The following ANKRD30A variants were observed in gnomAD, a reference collection of about 807,000 sequenced individuals.
The protein encoded by ANKRD30A is ankyrin repeat domain 30A, also known as ankyrin repeat domain-containing protein 30A.
ANKRD30A carries 170 observed loss-of-function variants against 166.3 expected under a neutral mutation model. The ratio of observed to expected loss-of-function variants is 1.02; its 90% CI spans 0.90 to 1.16. ANKRD30A has a LOEUF of 1.16. Among genes scored for constraint, ANKRD30A ranks in the 50% most tolerant of loss-of-function variants. The probability of loss-of-function intolerance (pLI) is 0.00; values close to 1 mark genes in which losing one functional copy is unlikely to be tolerated. For missense variants in ANKRD30A, 1,630 were observed against 1,518.0 expected (o/e 1.07, Z -1.23); for synonymous variants, 564 against 508.9 (o/e 1.11, Z -1.46).
chr10:37,261,259 A>G, the ANKRD30A span, among the ~76,000 whole-genome samples: 3 of 152,170 alleles, frequency 2.0e-5, no homozygotes, highest in Admixed American at 1.3e-4. Flanking sequence ...ACAAGACAGG[A>G]AAACTGAAGC....
intron 27 of ANKRD30A, among the ~76,000 whole-genome samples, chr10:37,195,298 A>G (rs1316694916): frequency 6.6e-6 from 1 of 152,212 alleles, no homozygotes; most frequent in East Asian, 1.9e-4. Flanking sequence ...AATTTTGTTT[A>G]TAATGAAAAG....
In ANKRD30A at chr10:37,197,845, C is replaced by G. The variant is rs1243673415; in HGVS notation, c.2716+365C>G. Among the ~76,000 whole-genome samples, 3 of 152,036 alleles carry G rather than the reference C, an allele frequency of 2.0e-5. No homozygotes were observed. In the South Asian group the frequency reaches 6.2e-4, roughly 31 times the overall value. The stretch of plus-strand genomic sequence containing the variant: ...CCACGGTTTATTTCGGGGATCCCAT[C>G]TTTTACTGATATAACACTCGTGTTT... On this transcript the variant is annotated intron_variant, in intron 29 of 35. Transcript: ENST00000361713.
chr10:37,261,135 G>C, the ANKRD30A span, among the ~76,000 whole-genome samples: 1 of 152,126 alleles, frequency 6.6e-6, no homozygotes, highest in Non-Finnish European at 1.5e-5. Flanking sequence ...GACCCCTCAG[G>C]ATAAAAATCA....
intron 24 of ANKRD30A, among the ~76,000 whole-genome samples, chr10:37,183,047 T>C (rs997262461): frequency 3.3e-5 from 5 of 149,766 alleles, no homozygotes; most frequent in African/African-American, 1.2e-4. Flanking sequence ...CTAAAACACA[T>C]TTAATTAGAC....
In ANKRD30A at chr10:37,201,340, T is replaced by A; in HGVS notation, c.2869+15T>A. On this transcript the variant is annotated intron_variant, in intron 31 of 35. Coordinates refer to ENST00000361713, the MANE Select transcript of ANKRD30A (RefSeq NM_052997.3). ...AAAATTAGAAGGTAAGAACCATCTT[T>A]TATTTAAAAGGTCATTTGACCAAGT... 6.5e-7 allele frequency: 1 copy of A among 1,535,782 alleles called. No homozygotes were observed. The highest frequency in any genetic ancestry group is 1.2e-5 in the South Asian group (1 of 83,698).
At chr10:37,199,585 A>C in intron 29 of ANKRD30A, 142 bp from the exon 30 acceptor site, 1 of 467,432 alleles carries the variant, frequency 2.1e-6, no homozygotes. Flanking sequence ...TATAGGAAGT[A>C]GTCATTGTAA....
intron 21 of ANKRD30A, among the ~76,000 whole-genome samples, chr10:37,172,429 T>G (rs1226012455): frequency 6.4e-4 from 78 of 121,596 alleles, no homozygotes; most frequent in Middle Eastern, 4.4e-3. Context: ...TAAACAGAAA[T>G]TATAGATTTA....
chr10:37,201,258 G>A lies in ANKRD30A; in HGVS notation c.2802G>A (p.Gln934=), dbSNP rs777605572. 1 of 1,590,132 alleles carries A rather than the reference G, an allele frequency of 6.3e-7. No homozygotes were observed. The highest frequency in any genetic ancestry group is 1.2e-5 in the South Asian group (1 of 86,598). ...AGAGTCTCCGTGAGACTGTTTCACAGAAGGATGTGTGTGTACCCAAGGCTA... is the reference window on the plus strand; with the variant it reads ...AGAGTCTCCGTGAGACTGTTTCACAAAAGGATGTGTGTGTACCCAAGGCTA... ...DSESLRETVS[Q]KDVCVPKATH... is the part of the protein sequence containing the mutation. Residue 934 remains glutamine (Q), a synonymous_variant, in exon 31 of 36, where the codon CAG becomes CAA. Coordinates refer to ENST00000361713, the MANE Select transcript of ANKRD30A (RefSeq NM_052997.3).
chr10:37,129,838 G>C lies in ANKRD30A; in HGVS notation c.222-55G>C, dbSNP rs1836267667. On this transcript the variant is annotated intron_variant, in intron 1 of 35. Transcript: ENST00000361713. ...AATGTTTACAGTTACATAACTCATT[G>C]TATGTTTTGGGACAGTGGACTAAAC... 3 of 1,038,546 alleles carry C rather than the reference G, an allele frequency of 2.9e-6. No individual in the cohort carries two copies. In the Admixed American group the frequency reaches 9.2e-5, roughly 32 times the overall value. 64.3% of individuals were successfully genotyped at this position (1,038,546 alleles called of 1,614,324 possible). A position where few individuals can be genotyped will look rare whatever the true frequency, so the allele number is the denominator to read the frequency against.
At chr10:37,226,277 C>A (rs1323547599) in intron 34 of ANKRD30A, among the ~76,000 whole-genome samples, 2 of 119,924 alleles carry the variant, frequency 1.7e-5, no homozygotes, top group Non-Finnish European at 3.3e-5. Context: ...CCACAACAGG[C>A]CCCGGTGTGT....
At chr10:37,133,866 A>C in intron 4 of ANKRD30A, 50 bp from the exon 5 acceptor site, 2 of 1,595,982 alleles carry the variant, frequency 1.3e-6, no homozygotes, top group Non-Finnish European at 1.7e-6. Flanking sequence ...ACAGGCACAT[A>C]TTAAATTGGT....
intron 15 of ANKRD30A, among the ~76,000 whole-genome samples, chr10:37,159,107 A>C (rs1838626811): frequency 6.6e-6 from 1 of 152,166 alleles, no homozygotes; most frequent in Non-Finnish European, 1.5e-5. Context: ...AGTGTTTTAG[A>C]AGAGTGACTA....
At chr10:37,171,538 A>T (rs1267595873) in intron 21 of ANKRD30A, among the ~76,000 whole-genome samples, 11 of 151,712 alleles carry the variant, frequency 7.3e-5, no homozygotes, top group African/African-American at 2.2e-4. Context: ...TAGGAAAAAC[A>T]TTATGGCCCC....
At chr10:37,240,113 G>T in the ANKRD30A span, among the ~76,000 whole-genome samples, 1 of 152,126 alleles carries the variant, frequency 6.6e-6, no homozygotes, top group East Asian at 1.9e-4. Flanking sequence ...TTGTTTAATA[G>T]ATAGTATGCT....
In ANKRD30A at chr10:37,183,802, G is replaced by A; in HGVS notation, c.2422-5665G>A. On this transcript the variant is annotated intron_variant, in intron 24 of 35. Coordinates refer to ENST00000361713, the MANE Select transcript of ANKRD30A (RefSeq NM_052997.3). ...TATTTAAAGTATACCTAATATAATT[G>A]TCAACCACATTACTTTAGAAAACAT... is the stretch of plus-strand genomic sequence containing the variant. Among the ~76,000 whole-genome samples the A allele has an allele frequency of 2.0e-5, 3 of 148,154 alleles. No homozygotes were observed. In the Admixed American group the frequency reaches 2.0e-4, roughly 10 times the overall value.
At chr10:37,146,696 C>T (rs1412171855) in intron 8 of ANKRD30A, among the ~76,000 whole-genome samples, 3 of 152,136 alleles carry the variant, frequency 2.0e-5, no homozygotes, top group African/African-American at 4.8e-5. Context: ...TGAGTCAATA[C>T]CCTTAGAGGG....
the ANKRD30A span, among the ~76,000 whole-genome samples, chr10:37,240,322 A>G: frequency 2.0e-5 from 3 of 152,094 alleles, no homozygotes; most frequent in African/African-American, 7.2e-5. Context: ...GAGAAAACAA[A>G]GGCATCATTC....
chr10:37,241,779 C>T, the ANKRD30A span, among the ~76,000 whole-genome samples: 2 of 152,066 alleles, frequency 1.3e-5, no homozygotes, highest in African/African-American at 4.8e-5. Flanking sequence ...TAAGGTTTTC[C>T]TAAGACTTTT....
rs377200027 is a variant in ANKRD30A, at chr10:37,191,756, G to T, written c.2513-1308G>T. Among the ~76,000 whole-genome samples, 341 of 151,984 alleles carry T rather than the reference G, an allele frequency of 2.2e-3. 2 individuals are homozygous for T. Among genetic ancestry groups the T allele is most frequent in the African/African-American group, 5.7e-3 (237 of 41,402 alleles). On this transcript the variant is annotated intron_variant, in intron 25 of 35. Coordinates refer to ENST00000361713, the MANE Select transcript of ANKRD30A (RefSeq NM_052997.3). ...CACGCCTGTAATCCCAGCACTTTGG[G>T]AGGCAAAGGTGGGTGGATCACGAGG...
Sources: gnomAD v4.1 joint callset for allele counts (sites outside exome capture counted in the v4.1 genomes callset) on GRCh38, gnomAD v4.1.1 for gene constraint, MANE v1.5 for transcripts, NCBI Gene and HGNC (gene_info 2026-07-23, HGNC 2026-07-21) for gene names.